The following XRRA1 variants were observed in gnomAD, a reference collection of about 807,000 sequenced individuals.
XRRA1 encodes X-ray radiation resistance associated 1, also known as X-ray radiation resistance-associated protein 1.
A neutral mutation model predicts 80.2 loss-of-function variants in XRRA1; 69 were observed. That is an observed-to-expected ratio of 0.86 (90% CI 0.71 to 1.05). XRRA1 has a LOEUF of 1.05. Ranked by LOEUF, XRRA1 falls within the 50% of genes least tolerant of loss-of-function variation. The probability of loss-of-function intolerance (pLI) is 0.00; values close to 1 mark genes in which losing one functional copy is unlikely to be tolerated. For synonymous variants in XRRA1, 348 were observed against 389.9 expected, an observed-to-expected ratio of 0.89 and a Z score of 1.27; for missense variants, 967 against 976.4, an observed-to-expected ratio of 0.99 and a Z score of 0.13.
intron 1 of XRRA1, among the ~76,000 whole-genome samples, chr11:74,945,533 G>A (rs1016322952): frequency 6.9e-4 from 105 of 152,118 alleles, no homozygotes; most frequent in African/African-American, 2.4e-3. Flanking sequence ...GGATGCTATC[G>A]CAGAAATTCT....
At chr11:74,857,925 A>T (rs2041494130) in intron 12 of XRRA1, among the ~76,000 whole-genome samples, 1 of 152,230 alleles carries the variant, frequency 6.6e-6, no homozygotes, top group Non-Finnish European at 1.5e-5. Context: ...AAAAGAAAAT[A>T]TATTACAATT....
At chr11:74,889,477 A>C (rs2050049175) in intron 10 of XRRA1, among the ~76,000 whole-genome samples, 1 of 152,246 alleles carries the variant, frequency 6.6e-6, no homozygotes, top group Non-Finnish European at 1.5e-5. Context: ...TATCGAGGCT[A>C]GGAAGAAACT....
intron 2 of XRRA1, among the ~76,000 whole-genome samples, chr11:74,944,373 A>G (rs1565465837): frequency 1.3e-5 from 2 of 152,212 alleles, no homozygotes; most frequent in African/African-American, 4.8e-5. Flanking sequence ...CATATCCTCA[A>G]TTAGACTCTA....
chr11:74,907,188 G>T lies in XRRA1; in HGVS notation c.742C>A (p.Leu248Ile), dbSNP rs377180839. Residue 248 changes from leucine to isoleucine, a missense_variant, in exon 9 of 19, where the codon CTC (leucine) becomes ATC (isoleucine). Coordinates refer to ENST00000684022, the MANE Select transcript of XRRA1 (RefSeq NM_001378157.1). ...CTGGCAAAGCAACTGGGGTTGGAGA[G>T]TCTGTTGTCATCCAGCATCAGTGTC... ...LETLMLDDNR[L>I]SNPSCFASLA... 4 of 1,613,876 alleles carry T rather than the reference G, an allele frequency of 2.5e-6. No homozygotes were observed. The African/African-American group carries it at 5.3e-5, about 22-fold the overall frequency.
At chr11:74,930,582 AC>A (rs1943285023) in intron 5 of XRRA1, among the ~76,000 whole-genome samples, 1 of 152,192 alleles carries the variant, frequency 6.6e-6, no homozygotes, top group African/African-American at 2.4e-5. Flanking sequence ...AGAAAAGTAT[AC>A]GGAATGACAC....
chr11:74,900,966 G>C (rs915748433), intron 10 of XRRA1, among the ~76,000 whole-genome samples: 1 of 152,120 alleles, frequency 6.6e-6, no homozygotes, highest in Non-Finnish European at 1.5e-5. Flanking sequence ...AGCAATCAAA[G>C]AGAAAGAAAT....
At chr11:74,905,203 A>G (rs2138098487) in intron 10 of XRRA1, among the ~76,000 whole-genome samples, 1 of 152,036 alleles carries the variant, frequency 6.6e-6, no homozygotes, top group East Asian at 1.9e-4. Flanking sequence ...ACACCCAGCT[A>G]ATTTTTTAAT....
intron 10 of XRRA1, among the ~76,000 whole-genome samples, chr11:74,899,043 T>C (rs1168654113): frequency 6.6e-6 from 1 of 151,990 alleles, no homozygotes; most frequent in African/African-American, 2.4e-5. Flanking sequence ...TAAAAAATCT[T>C]GAAATAATAT....
chr11:74,928,234 C>T (rs1273189867), intron 6 of XRRA1, among the ~76,000 whole-genome samples: 9 of 152,214 alleles, frequency 5.9e-5, no homozygotes, highest in Admixed American at 5.9e-4. Flanking sequence ...ACCAATGATA[C>T]AGTAACTGCA....
intron 12 of XRRA1, among the ~76,000 whole-genome samples, chr11:74,854,033 G>A (rs1301957093): frequency 6.6e-6 from 1 of 152,226 alleles, no homozygotes; most frequent in African/African-American, 2.4e-5. Context: ...AGTATCAAAG[G>A]TGACAGCTGG....
intron 2 of XRRA1, 62 bp from the exon 3 acceptor site, chr11:74,940,944 T>C (rs1384267801): frequency 7.7e-7 from 1 of 1,292,640 alleles, no homozygotes; most frequent in East Asian, 2.5e-5. Context: ...AGAGCACTCT[T>C]ACTCCAGTGC....
chr11:74,943,524 G>GGGGTGTGTGTGTGT lies in XRRA1; in HGVS notation c.-5+1493_-5+1494insACACACACACACCC, dbSNP rs1330173160. Reference sequence around the variant, plus strand: ...GGAGGCGAGGGGAAGAGAGTAGGAGGGTGTGTGTGTGTGTGTGTGTGTGTG... The same window carrying GGGGTGTGTGTGTGT: ...GGAGGCGAGGGGAAGAGAGTAGGAGGGGGTGTGTGTGTGTGTGTGTGTGTGTGTGTGTGTGTGTG... On this transcript the variant is annotated intron_variant, in intron 2 of 18. Coordinates refer to ENST00000684022, the MANE Select transcript of XRRA1 (RefSeq NM_001378157.1). 1.9e-3 allele frequency among the ~76,000 whole-genome samples: 262 copies of GGGGTGTGTGTGTGT among 137,846 alleles called. 3 individuals carry two copies. The highest frequency in any genetic ancestry group is 6.8e-3 in the African/African-American group (253 of 37,366). 90.4% of individuals were successfully genotyped at this position (137,846 alleles called of 152,430 possible).
chr11:74,851,957 G>C, intron 13 of XRRA1, 32 bp downstream of exon 13: 1 of 1,590,328 alleles, frequency 6.3e-7, no homozygotes. Flanking sequence ...TGGGCACTGG[G>C]TTGAGAGGGG....
At chr11:74,868,892 C>A (rs1263291951) in intron 10 of XRRA1, among the ~76,000 whole-genome samples, 1 of 151,974 alleles carries the variant, frequency 6.6e-6, no homozygotes, top group East Asian at 1.9e-4. Context: ...GATAAACATA[C>A]GATAATTGTG....
chr11:74,942,196 G>A (rs188382659), intron 2 of XRRA1, among the ~76,000 whole-genome samples: 37 of 152,182 alleles, frequency 2.4e-4, no homozygotes, highest in African/African-American at 8.9e-4. Context: ...TGGAGAGTGG[G>A]AGCTGCCAAG....
intron 7 of XRRA1, 76 bp downstream of exon 7, chr11:74,927,315 A>G (rs1942494869): frequency 2.4e-6 from 2 of 848,938 alleles, no homozygotes; most frequent in African/African-American, 3.5e-5. Flanking sequence ...CCCAACAGTT[A>G]TAATCAGTAA....
intron 8 of XRRA1, chr11:74,919,651 C>A: frequency 3.6e-6 from 2 of 554,680 alleles, no homozygotes; most frequent in South Asian, 1.5e-5. Flanking sequence ...GAGGTGGTGA[C>A]CCGAGAATAC....
intron 3 of XRRA1, among the ~76,000 whole-genome samples, 159 bp from the exon 4 acceptor site, chr11:74,937,227 T>C (rs368031151): frequency 1.2e-3 from 188 of 152,268 alleles, no homozygotes; most frequent in African/African-American, 3.7e-3. Context: ...GATATCTACC[T>C]ATCTATGTCA....
At chr11:74,847,762 G>A (rs532486099) in intron 15 of XRRA1, among the ~76,000 whole-genome samples, 1 of 152,260 alleles carries the variant, frequency 6.6e-6, no homozygotes, top group South Asian at 2.1e-4. Context: ...ATGTTCCCAG[G>A]ATCCAGAGGC....
Sources: gnomAD v4.1 joint callset for allele counts (sites outside exome capture counted in the v4.1 genomes callset) on GRCh38, gnomAD v4.1.1 for gene constraint, MANE v1.5 for transcripts, NCBI Gene and HGNC (gene_info 2026-07-23, HGNC 2026-07-21) for gene names.